The following NRIP1 variants were observed in gnomAD, a reference collection of about 807,000 sequenced individuals.
NRIP1 encodes nuclear receptor-interacting protein 1.
NRIP1 carries 28 observed loss-of-function variants against 75.0 expected under a neutral mutation model. The ratio of observed to expected loss-of-function variants is 0.37; its 90% CI spans 0.28 to 0.51. The LOEUF is 0.51. Among genes scored for constraint, NRIP1 ranks in the 20% least tolerant of loss-of-function variants. NRIP1 has a pLI of 0.92. For synonymous variants in NRIP1, 526 were observed against 487.6 expected (o/e 1.08, Z -1.04); for missense variants, 1,435 against 1,343.7 (o/e 1.07, Z -1.06).
At chr21:15,007,416 C>T (rs1214656569) in intron 3 of NRIP1, among the ~76,000 whole-genome samples, 1 of 152,120 alleles carries the variant, frequency 6.6e-6, no homozygotes, top group Non-Finnish European at 1.5e-5. Flanking sequence ...TTCATAGCAA[C>T]TTTATTGAAT....
chr21:14,969,646 C>G (rs2086851249), intron 3 of NRIP1, among the ~76,000 whole-genome samples: 1 of 152,174 alleles, frequency 6.6e-6, no homozygotes, highest in Non-Finnish European at 1.5e-5. Context: ...TTTAAGTTAT[C>G]AGACCTGAAG....
intron 2 of NRIP1, among the ~76,000 whole-genome samples, chr21:15,033,787 C>A (rs1198533664): frequency 6.6e-6 from 1 of 152,158 alleles, no homozygotes; most frequent in African/African-American, 2.4e-5. Context: ...AGGGGTAAAT[C>A]TGGGATTCAA....
chr21:15,025,690 C>T (rs769617622), intron 2 of NRIP1, among the ~76,000 whole-genome samples: 2 of 152,028 alleles, frequency 1.3e-5, no homozygotes, highest in Non-Finnish European at 1.5e-5. Context: ...AAATTGTATG[C>T]CACCGCAGAG....
chr21:14,990,220 C>G (rs1298520527), intron 3 of NRIP1, among the ~76,000 whole-genome samples: 1 of 152,178 alleles, frequency 6.6e-6, no homozygotes, highest in Admixed American at 6.5e-5. Flanking sequence ...TCCACCCCTC[C>G]TCTTACATGG....
At chr21:15,042,254 T>C (rs1245164001) in intron 2 of NRIP1, among the ~76,000 whole-genome samples, 2 of 152,220 alleles carry the variant, frequency 1.3e-5, no homozygotes, top group Non-Finnish European at 2.9e-5. Context: ...AAATACATTA[T>C]TTTATTGCAT....
At chr21:14,969,714 C>T (rs1189966287) in intron 3 of NRIP1, among the ~76,000 whole-genome samples, 1 of 152,160 alleles carries the variant, frequency 6.6e-6, no homozygotes, top group African/African-American at 2.4e-5. Context: ...AATTGAAAGA[C>T]TACCCTGTAG....
chr21:15,020,967 T>C (rs2088358714), intron 2 of NRIP1, among the ~76,000 whole-genome samples: 1 of 151,850 alleles, frequency 6.6e-6, no homozygotes, highest in South Asian at 2.1e-4. Context: ...AATGTAAAAA[T>C]GGCATAACCA....
At chr21:14,980,555 C>T (rs1370934089) in intron 3 of NRIP1, among the ~76,000 whole-genome samples, 2 of 151,118 alleles carry the variant, frequency 1.3e-5, no homozygotes, top group African/African-American at 4.9e-5. Flanking sequence ...TTTGTTTTAG[C>T]TGTTTAAACA....
intron 3 of NRIP1, among the ~76,000 whole-genome samples, chr21:14,986,524 T>C (rs2087409318): frequency 6.6e-6 from 1 of 152,224 alleles, no homozygotes; most frequent in Non-Finnish European, 1.5e-5. Flanking sequence ...TATTAAACTT[T>C]AATAACATTT....
At chr21:14,978,829 A>C (rs2087151879) in intron 3 of NRIP1, among the ~76,000 whole-genome samples, 1 of 152,248 alleles carries the variant, frequency 6.6e-6, no homozygotes, top group Non-Finnish European at 1.5e-5. Context: ...GGAGATTTTA[A>C]GTTAAAAATC....
At chr21:15,020,482 C>T (rs1339195393) in intron 2 of NRIP1, among the ~76,000 whole-genome samples, 1 of 152,044 alleles carries the variant, frequency 6.6e-6, no homozygotes, top group Non-Finnish European at 1.5e-5. Context: ...AATTAAAACA[C>T]AACTTCTAGA....
chr21:15,005,366 C>CA (rs72547880), intron 3 of NRIP1, among the ~76,000 whole-genome samples: 1 of 152,002 alleles, frequency 6.6e-6, no homozygotes, highest in African/African-American at 2.4e-5. Flanking sequence ...ACAGAGCCCC[C>CA]CAAAGAAGAA....
At chr21:14,994,778 G>C (rs2087674469) in intron 3 of NRIP1, among the ~76,000 whole-genome samples, 1 of 152,144 alleles carries the variant, frequency 6.6e-6, no homozygotes, top group African/African-American at 2.4e-5. Flanking sequence ...GGTTCAGGCA[G>C]TAACTTTTCT....
At chr21:15,059,971 CTGATT>C (rs1461884296) in intron 1 of NRIP1, among the ~76,000 whole-genome samples, 3 of 152,100 alleles carry the variant, frequency 2.0e-5, no homozygotes, top group Non-Finnish European at 2.9e-5. Flanking sequence ...TCCTATTCTT[CTGATT>C]TAAGAACTTA....
At chr21:15,003,900 C>T (rs1227890207) in intron 3 of NRIP1, among the ~76,000 whole-genome samples, 1 of 152,146 alleles carries the variant, frequency 6.6e-6, no homozygotes, top group African/African-American at 2.4e-5. Context: ...AGCAGGTGAG[C>T]TTGGGTCATA....
chr21:14,974,796 A>G (rs1240441659), intron 3 of NRIP1, among the ~76,000 whole-genome samples: 4 of 152,106 alleles, frequency 2.6e-5, no homozygotes, highest in African/African-American at 9.7e-5. Context: ...ATTGTTACTC[A>G]TTGCTCCCTG....
intron 1 of NRIP1, among the ~76,000 whole-genome samples, chr21:15,056,472 A>G (rs1041118131): frequency 1.3e-5 from 2 of 152,122 alleles, no homozygotes; most frequent in African/African-American, 4.8e-5. Flanking sequence ...CAATCCTTAT[A>G]TTTGGCTTCA....
chr21:14,985,029 C>A (rs1313561654), intron 3 of NRIP1, among the ~76,000 whole-genome samples: 1 of 152,152 alleles, frequency 6.6e-6, no homozygotes, highest in Non-Finnish European at 1.5e-5. Context: ...CTGAGGTATT[C>A]ATTTCACTGC....
chr21:14,994,080 T>C (rs1238053509), intron 3 of NRIP1, among the ~76,000 whole-genome samples: 2 of 152,164 alleles, frequency 1.3e-5, no homozygotes, highest in Admixed American at 6.5e-5. Flanking sequence ...CTCTATCCTA[T>C]TGTTTATAAA....
Sources: gnomAD v4.1 joint callset for allele counts (sites outside exome capture counted in the v4.1 genomes callset) on GRCh38, gnomAD v4.1.1 for gene constraint, MANE v1.5 for transcripts, NCBI Gene and HGNC (gene_info 2026-07-23, HGNC 2026-07-21) for gene names.